ANK2: variants seen among roughly 807,000 people sequenced by gnomAD.
ANK2 encodes ankyrin 2, also known as ankyrin-2.
Under a neutral mutation model 360.5 loss-of-function variants are expected in ANK2, and 83 were observed. The ratio of observed to expected loss-of-function variants is 0.23; its 90% CI spans 0.19 to 0.28. ANK2 has a LOEUF of 0.28. Among genes scored for constraint, ANK2 ranks in the 10% least tolerant of loss-of-function variants. The probability of loss-of-function intolerance (pLI) is 1.00; values close to 1 mark genes in which losing one functional copy is unlikely to be tolerated. For synonymous variants in ANK2, 1,740 were observed against 1,759.5 expected (o/e 0.99, Z 0.28); for missense variants, 4,201 against 4,795.7 (o/e 0.88, Z 3.66).
rs2097202769 is a variant in ANK2 at position 113,383,542 on chromosome 4, A to C, written c.*2071A>C. On this transcript the variant is annotated 3_prime_UTR_variant, in exon 46 of 46. Coordinates refer to ENST00000357077, the MANE Select transcript of ANK2 (RefSeq NM_001148.6). ...TTTGATTTTTGCTGTGTTATCAAAA[A>C]CTTGAATACTGTGAGAAGAAGTGAA... The C allele has an allele frequency of 6.6e-6, 1 of 152,612 alleles. No individual in the cohort carries two copies. The highest frequency in any genetic ancestry group is 1.5e-5 in the Non-Finnish European group (1 of 68,038). 9.5% of individuals were successfully genotyped at this position (152,612 alleles called of 1,614,324 possible).
chr4:113,251,641 C>T (rs1486709167), intron 10 of ANK2, among the ~76,000 whole-genome samples: 2 of 151,702 alleles, frequency 1.3e-5, no homozygotes, highest in Non-Finnish European at 2.9e-5. Context: ...CACCACCACG[C>T]CCAGCTAATT....
At chr4:113,257,563 G>C (rs951400797) in intron 11 of ANK2, among the ~76,000 whole-genome samples, 2 of 152,102 alleles carry the variant, frequency 1.3e-5, no homozygotes, top group Non-Finnish European at 2.9e-5. Context: ...CCTTTATAAA[G>C]AAAGTCGTAG....
rs568516534 is a variant in ANK2 at position 113,137,282 on chromosome 4, A to G, written c.85-37134A>G. ...AACTCTTTAGGAGACAGTTACAGTA[A>G]TTCAGTCAAGAAATAAATCACTGAC... On this transcript the variant is annotated intron_variant, in intron 1 of 45. Transcript: ENST00000357077. Among the ~76,000 whole-genome samples, 4 of 152,364 alleles carry G rather than the reference A, an allele frequency of 2.6e-5. No homozygotes were observed. In the East Asian group the frequency reaches 5.8e-4, roughly 22 times the overall value.
At chr4:113,074,648 G>A (rs954547675) in intron 1 of ANK2, among the ~76,000 whole-genome samples, 4 of 152,168 alleles carry the variant, frequency 2.6e-5, no homozygotes, top group Non-Finnish European at 4.4e-5. Flanking sequence ...TAATATTTAA[G>A]TAGACTCTCA....
At chr4:112,991,491 G>A (rs1007808615) in intron 2 of ANK2, among the ~76,000 whole-genome samples, 11 of 151,838 alleles carry the variant, frequency 7.2e-5, no homozygotes, top group Non-Finnish European at 1.2e-4. Context: ...TCTATTCCTG[G>A]CTTCTGTTGA....
At chr4:112,987,359 C>A (rs1392572622) in intron 2 of ANK2, among the ~76,000 whole-genome samples, 4 of 152,212 alleles carry the variant, frequency 2.6e-5, no homozygotes, top group African/African-American at 9.6e-5. Context: ...CTCAGCCCAG[C>A]TGGGAGACAC....
intron 2 of ANK2, among the ~76,000 whole-genome samples, chr4:113,185,962 G>C (rs549750471): frequency 2.0e-5 from 3 of 152,176 alleles, no homozygotes; most frequent in Non-Finnish European, 4.4e-5. Flanking sequence ...GTATTAAATA[G>C]GGAAGGCACA....
chr4:112,811,967 C>T, the ANK2 span, among the ~76,000 whole-genome samples: 1 of 148,526 alleles, frequency 6.7e-6, no homozygotes, highest in Non-Finnish European at 1.5e-5. Flanking sequence ...CCCAGCTACT[C>T]AGGAGGCTGA....
the ANK2 span, among the ~76,000 whole-genome samples, chr4:112,749,957 G>A: frequency 6.6e-6 from 1 of 152,088 alleles, no homozygotes; most frequent in Non-Finnish European, 1.5e-5. Flanking sequence ...TGTTGGCCAG[G>A]CTGGTCTCGA....
intron 1 of ANK2, among the ~76,000 whole-genome samples, chr4:113,140,305 C>A (rs984745458): frequency 6.6e-6 from 1 of 152,072 alleles, no homozygotes; most frequent in South Asian, 2.1e-4. Context: ...ATTAGATAAA[C>A]GCATTTGAGT....
At chr4:112,826,883 T>C (rs2058525589) in intron 1 of ANK2, 6 of 1,501,838 alleles carry the variant, frequency 4.0e-6, no homozygotes, top group Non-Finnish European at 5.6e-6. Context: ...ATGTGACTTC[T>C]ATGGCAGGGG....
intron 41 of ANK2, 79 bp downstream of exon 41, chr4:113,365,261 T>G: frequency 6.8e-7 from 1 of 1,463,530 alleles, no homozygotes; most frequent in Non-Finnish European, 9.2e-7. Context: ...ATTGAGGCAC[T>G]GGACCTACTG....
intron 1 of ANK2, among the ~76,000 whole-genome samples, chr4:112,879,423 A>C (rs2076119352): frequency 6.6e-6 from 1 of 152,156 alleles, no homozygotes; most frequent in Non-Finnish European, 1.5e-5. Context: ...AGCCCATGTG[A>C]GTGGCCCATT....
At chr4:113,378,267 A>G (rs2097031380) in intron 45 of ANK2, 3 of 500,586 alleles carry the variant, frequency 6.0e-6, no homozygotes, top group Non-Finnish European at 1.0e-5. Flanking sequence ...GAATCCCTAC[A>G]TCTACCCTAA....
Position 113,355,942 on chromosome 4 carries a change from G to A in ANK2, c.7324G>A (p.Val2442Met). 6.2e-7 allele frequency: 1 copy of A among 1,614,108 alleles called. No homozygotes were observed. The highest frequency in any genetic ancestry group is 2.2e-5 in the East Asian group (1 of 44,874). ...SHKDSLEASP[V>M]LEDNSSHKTP... ...CAAAGACTCTCTGGAAGCCAGCCCT[G>A]TGCTAGAAGATAACTCTTCACACAA... is the stretch of plus-strand genomic sequence containing the variant. The change falls in exon 38 of 46, where the codon GTG becomes ATG. Residue 2442 changes from valine to methionine, a missense_variant. By Grantham distance (21) the Val-to-Met change is conservative. Around this residue, in one of 4 missense-constraint regions of ANK2, gnomAD observed 2,642 missense variants for 2,714.5 expected, o/e 0.97. Coordinates refer to ENST00000357077, the MANE Select transcript of ANK2 (RefSeq NM_001148.6).
At chr4:113,215,957 CTCT>C (rs2099080885) in intron 4 of ANK2, among the ~76,000 whole-genome samples, 1 of 152,012 alleles carries the variant, frequency 6.6e-6, no homozygotes, top group African/African-American at 2.4e-5. Context: ...TATTATTTGT[CTCT>C]TCTTATACAT....
At chr4:113,317,651 A>T (rs536841587) in intron 24 of ANK2, 56 bp from the exon 25 acceptor site, 9 of 1,397,276 alleles carry the variant, frequency 6.4e-6, no homozygotes, top group Admixed American at 5.0e-5. Context: ...TCATTTTGTC[A>T]TCCCAACCCT....
At chr4:113,223,704 G>A (rs748200324) in intron 4 of ANK2, among the ~76,000 whole-genome samples, 18 of 152,200 alleles carry the variant, frequency 1.2e-4, no homozygotes, top group Non-Finnish European at 2.4e-4. Flanking sequence ...ATGTAAGACT[G>A]TATTAGACTT....
rs76501422 is a variant in ANK2, at chr4:113,090,301, T to C, written c.84+40489T>C. Among the ~76,000 whole-genome samples, 34 of 152,338 alleles carry C rather than the reference T, an allele frequency of 2.2e-4. No individual in the cohort carries two copies. In the East Asian group the frequency reaches 4.6e-3, roughly 21 times the overall value. On this transcript the variant is annotated intron_variant, in intron 1 of 45. Coordinates refer to ENST00000357077, the MANE Select transcript of ANK2 (RefSeq NM_001148.6). ...CTCTCAACTCCTTACTTTTCTAAAA[T>C]CTATTTTTTTTGCATCTCAAAATAT... is the stretch of plus-strand genomic sequence containing the variant.
Sources: gnomAD v4.1 joint callset for allele counts (sites outside exome capture counted in the v4.1 genomes callset) on GRCh38, gnomAD v4.1.1 for gene constraint, gnomAD v4.1.1 regional missense constraint, MANE v1.5 for transcripts, NCBI Gene and HGNC (gene_info 2026-07-23, HGNC 2026-07-21) for gene names.